TET1: variants seen among roughly 807,000 people sequenced by gnomAD.
The protein encoded by TET1 is tet methylcytosine dioxygenase 1.
TET1 carries 13 observed loss-of-function variants against 148.7 expected under a neutral mutation model. That is an observed-to-expected ratio of 0.09 (90% CI 0.06 to 0.14). The LOEUF is 0.14. Ranked by LOEUF, TET1 falls within the 10% of genes least tolerant of loss-of-function variation. The pLI is 1.00. For missense variants in TET1, 2,182 were observed against 2,553.8 expected, an observed-to-expected ratio of 0.85 and a Z score of 3.14; for synonymous variants, 907 against 937.2, an observed-to-expected ratio of 0.97 and a Z score of 0.59.
intron 2 of TET1, among the ~76,000 whole-genome samples, chr10:68,576,180 A>G (rs993109733): frequency 2.4e-4 from 37 of 152,054 alleles, no homozygotes; most frequent in African/African-American, 8.2e-4. Context: ...GCAAAACCCC[A>G]TCTCTACTAA....
chr10:68,628,058 C>T (rs962166829), intron 3 of TET1, among the ~76,000 whole-genome samples: 1 of 152,048 alleles, frequency 6.6e-6, no homozygotes, highest in South Asian at 2.1e-4. Context: ...AGTGCAGTGG[C>T]GTGATCTCGG....
At chr10:68,687,139 C>T (rs2055524929) in intron 11 of TET1, among the ~76,000 whole-genome samples, 1 of 137,408 alleles carries the variant, frequency 7.3e-6, no homozygotes, top group African/African-American at 2.6e-5. Context: ...CGCCCCCGCC[C>T]CCCCGCCCCC....
At chr10:68,648,357 A>T (rs901719971) in intron 4 of TET1, among the ~76,000 whole-genome samples, 10 of 152,112 alleles carry the variant, frequency 6.6e-5, no homozygotes, top group Non-Finnish European at 1.3e-4. Context: ...CTTCTAAGAA[A>T]CCTGTTGACT....
chr10:68,658,616 G>T (rs1234151504), intron 6 of TET1, among the ~76,000 whole-genome samples: 21 of 152,136 alleles, frequency 1.4e-4, no homozygotes, highest in Admixed American at 1.4e-3. Context: ...TTGCCAGGTG[G>T]TCATTAAAAC....
intron 2 of TET1, among the ~76,000 whole-genome samples, chr10:68,595,315 C>A (rs1046317909): frequency 3.3e-5 from 5 of 152,076 alleles, no homozygotes; most frequent in African/African-American, 9.6e-5. Context: ...GTTATCACTG[C>A]AAAATTGTAG....
At chr10:68,595,862 C>T (rs1341218428) in intron 2 of TET1, among the ~76,000 whole-genome samples, 9 of 118,436 alleles carry the variant, frequency 7.6e-5, no homozygotes, top group Non-Finnish European at 1.2e-4. Flanking sequence ...GTGATCAGCC[C>T]GCCATGGCCT....
chr10:68,668,976 GGAGAGAGA>G (rs56945020), intron 7 of TET1, among the ~76,000 whole-genome samples: 3 of 148,566 alleles, frequency 2.0e-5, no homozygotes, highest in Admixed American at 6.8e-5. Context: ...CATGGCAAAA[GGAGAGAGA>G]GAGAGAGAGA....
rs141428875 is a variant in TET1, at chr10:68,673,170, A to G, written c.4824+125A>G. On this transcript the variant is annotated intron_variant, in intron 8 of 11. Transcript: ENST00000373644. Reference sequence around the variant, plus strand: ...TATTGAAAAGTAGTAATCAAATAGTAAAATTATATTTCTATTATATAAGTA... The same window carrying G: ...TATTGAAAAGTAGTAATCAAATAGTGAAATTATATTTCTATTATATAAGTA... 10 of 611,958 alleles carry G rather than the reference A, an allele frequency of 1.6e-5. No individual in the cohort carries two copies. The African/African-American group carries it at 1.9e-4, about 12-fold the overall frequency. The allele number at this position is 611,958 out of a possible 1,614,324, so 37.9% of individuals were successfully genotyped here. A position where few individuals can be genotyped will look rare whatever the true frequency, so the allele number is the denominator to read the frequency against.
chr10:68,639,370 TGA>T (rs1393287334), intron 3 of TET1, among the ~76,000 whole-genome samples: 5 of 151,908 alleles, frequency 3.3e-5, no homozygotes, highest in African/African-American at 1.2e-4. Context: ...TGCAGTGAGC[TGA>T]GATCTTGCCA....
At chr10:68,642,217 A>G (rs191666982) in intron 3 of TET1, among the ~76,000 whole-genome samples, 71 of 152,326 alleles carry the variant, frequency 4.7e-4, no homozygotes, top group Admixed American at 1.4e-3. Flanking sequence ...GCTTCAGTCC[A>G]GCACTTCAAA....
intron 3 of TET1, among the ~76,000 whole-genome samples, chr10:68,613,862 C>T (rs529821272): frequency 6.6e-6 from 1 of 151,436 alleles, no homozygotes; most frequent in Non-Finnish European, 1.5e-5. Flanking sequence ...CGCTTGAACC[C>T]GGGAGACACT....
At chr10:68,575,134 A>G (rs903721314) in intron 2 of TET1, among the ~76,000 whole-genome samples, 2 of 152,336 alleles carry the variant, frequency 1.3e-5, no homozygotes, top group African/African-American at 2.4e-5. Flanking sequence ...CTGTAATCCC[A>G]ACACTTTGAA....
intron 2 of TET1, among the ~76,000 whole-genome samples, chr10:68,590,203 C>T (rs946672961): frequency 1.7e-4 from 26 of 152,064 alleles, no homozygotes; most frequent in Non-Finnish European, 3.5e-4. Context: ...GCTTCGACCT[C>T]CCAGACTCAA....
chr10:68,621,929 T>A (rs554301978), intron 3 of TET1, among the ~76,000 whole-genome samples: 2 of 152,338 alleles, frequency 1.3e-5, no homozygotes, highest in South Asian at 4.1e-4. Context: ...GTCTTTTTTT[T>A]ATTTGGATAT....
intron 2 of TET1, among the ~76,000 whole-genome samples, chr10:68,583,055 C>A (rs1389434783): frequency 6.6e-6 from 1 of 152,160 alleles, no homozygotes. Flanking sequence ...TATGTGTTAT[C>A]TTTTCCAGGA....
intron 2 of TET1, among the ~76,000 whole-genome samples, chr10:68,597,043 T>TTTTTTTTTTTTTTTTTTTTTTTTG (rs2053997512): frequency 6.9e-6 from 1 of 144,280 alleles, no homozygotes; most frequent in African/African-American, 2.6e-5. Flanking sequence ...TTTTTTTTTT[T>TTTTTTTTTTTTTTTTTTTTTTTTG]TTTTTTTTGA....
At chr10:68,594,701 G>A (rs949692) in intron 2 of TET1, among the ~76,000 whole-genome samples, 32,929 of 151,972 alleles carry the variant, frequency 0.22, 3,760 homozygotes, top group African/African-American at 0.29. Flanking sequence ...GAGAGAGAAC[G>A]GGCGCGGTGA....
At chr10:68,656,394 C>G (rs2055022365) in intron 6 of TET1, among the ~76,000 whole-genome samples, 1 of 152,086 alleles carries the variant, frequency 6.6e-6, no homozygotes, top group Non-Finnish European at 1.5e-5. Flanking sequence ...TCCTGAGTAG[C>G]TGGGACTACA....
Position 68,612,419 on chromosome 10 carries a change from T to C in TET1, c.1968+11385T>C, listed in dbSNP as rs1011743797. 4.6e-5 allele frequency among the ~76,000 whole-genome samples: 7 copies of C among 151,944 alleles called. 1 individual carries two copies. The highest frequency in any genetic ancestry group is 1.7e-4 in the African/African-American group (7 of 41,408). On this transcript the variant is annotated intron_variant, in intron 3 of 11. Coordinates refer to ENST00000373644, the MANE Select transcript of TET1 (RefSeq NM_030625.3). ...ATTTTGTTTTAATGTGATCAGCAGGTACTAGGACCCAATTCTATAATCCCA... is the reference window on the plus strand; with the variant it reads ...ATTTTGTTTTAATGTGATCAGCAGGCACTAGGACCCAATTCTATAATCCCA...
Sources: allele counts gnomAD v4.1 joint callset (sites outside exome capture counted in the v4.1 genomes callset), GRCh38; gene constraint gnomAD v4.1.1; transcripts MANE v1.5; gene names NCBI Gene and HGNC (gene_info 2026-07-23, HGNC 2026-07-21).